Variants in NPHS1 observed in about 807,000 individuals in gnomAD.
NPHS1 encodes NPHS1 adhesion molecule, nephrin, also known as nephrin.
In NPHS1, 107 loss-of-function variants were observed where a neutral mutation model predicts 139.7. The observed-to-expected ratio is 0.77, with a 90% confidence interval of 0.66 to 0.90. The LOEUF (loss-of-function observed/expected upper bound fraction) is 0.90. NPHS1 is among the 40% of genes least tolerant of loss of function. NPHS1 has a pLI of 0.00. For synonymous variants in NPHS1, 707 were observed against 706.6 expected (o/e 1.00, Z -0.01); for missense variants, 1,580 against 1,654.2 (o/e 0.96, Z 0.78).
Position 35,835,721 on chromosome 19 carries a change from G to T in NPHS1, c.3150C>A (p.Pro1050=). ...QPSGEPEDQL[P]TEPPSGPSGL... ...AGGACTTGCCTGAAGGTGGCTCTGT[G>T]GGCAGCTGGTCTTCAGGTTCTCCAG... The change falls in exon 23 of 29, where the codon CCC becomes CCA. Residue 1050 remains proline, a synonymous_variant. Coordinates refer to ENST00000378910, the MANE Select transcript of NPHS1 (RefSeq NM_004646.4). 1 of 1,613,636 alleles carries T rather than the reference G, an allele frequency of 6.2e-7. No homozygotes were observed. Among genetic ancestry groups the T allele is most frequent in the Non-Finnish European group, 8.5e-7 (1 of 1,179,780 alleles).
intron 14 of NPHS1, 82 bp from the exon 15 acceptor site, chr19:35,844,541 A>G (rs552661699): frequency 1.4e-6 from 2 of 1,467,634 alleles, no homozygotes; most frequent in East Asian, 4.9e-5. Flanking sequence ...CACAGGTTCA[A>G]GGGTTAAAGT....
At chr19:35,830,801 A>G (rs931733683) in intron 28 of NPHS1, 43 bp downstream of exon 28, 1 of 1,224,982 alleles carries the variant, frequency 8.2e-7, no homozygotes, top group South Asian at 1.2e-5. Flanking sequence ...GTAGGCTCCC[A>G]GCACTAGCCA....
In NPHS1 at chr19:35,845,850, C is replaced by T; in HGVS notation, c.1628-52G>A. ...ACTCAGAGGTTAGGGGCGGCCTGGT[C>T]TGCGTCCACCCCGCCTGCACCCCAG... is the stretch of plus-strand genomic sequence containing the variant. On this transcript the variant is annotated intron_variant, in intron 12 of 28. Transcript: ENST00000378910. This position sits in a 1 kb window ranked among gnomAD's most constrained non-coding sequence, Gnocchi z 5.5. The T allele has an allele frequency of 7.5e-6, 12 of 1,589,916 alleles. No homozygotes were observed. Among genetic ancestry groups the T allele is most frequent in the Non-Finnish European group, 1.0e-5 (12 of 1,165,044 alleles).
At chr19:35,834,413 C>T (rs778787604) in intron 23 of NPHS1, among the ~76,000 whole-genome samples, 3 of 152,142 alleles carry the variant, frequency 2.0e-5, no homozygotes, top group Non-Finnish European at 2.9e-5. Flanking sequence ...AGCACTGTTC[C>T]GCCAGACTCA....
Position 35,849,655 on chromosome 19 carries a change from T to C in NPHS1, c.609-2A>G, listed in dbSNP as rs386833955. ...TTATCTGAGCTCCGGGGTGTCACCC[T>C]GGGATGAGAAGTCAGGGTTATAGAG... On this transcript the variant is annotated splice_acceptor_variant, in intron 5 of 28. Transcript: ENST00000378910. LOFTEE classifies it high-confidence loss of function. 1.9e-6 allele frequency: 3 copies of C among 1,608,106 alleles called. No individual in the cohort carries two copies. The highest frequency in any genetic ancestry group is 1.3e-5 in the African/African-American group (1 of 74,900).
chr19:35,827,470 A>C (rs1972813936), intron 28 of NPHS1, among the ~76,000 whole-genome samples: 1 of 152,108 alleles, frequency 6.6e-6, no homozygotes, highest in Non-Finnish European at 1.5e-5. Flanking sequence ...CAAAAAAAGA[A>C]AAAAAGAAAA....
chr19:35,831,249 G>A lies in NPHS1; in HGVS notation c.3387+47C>T, dbSNP rs749309655. The A allele has an allele frequency of 2.0e-5, 32 of 1,608,630 alleles. No individual in the cohort carries two copies. The South Asian group carries it at 2.1e-4, about 11-fold the overall frequency. On this transcript the variant is annotated intron_variant, in intron 26 of 28. Transcript: ENST00000378910. The stretch of plus-strand genomic sequence containing the variant: ...TGATGCTAACGGCAGGGCTTCAGTC[G>A]CCGTCGGTGCCCTGATTGTGGGGTC...
Position 35,835,613 on chromosome 19 carries a change from C to A in NPHS1, c.3166+92G>T, listed in dbSNP as rs537853848. The A allele has an allele frequency of 4.3e-6, 5 of 1,160,562 alleles. No homozygotes were observed. The East Asian group carries it at 1.2e-4, about 27-fold the overall frequency. 71.9% of individuals were successfully genotyped at this position (1,160,562 alleles called of 1,614,324 possible). ...GCTTGGCCAGAACTAAGTCGTTAAGCAGCTGTGACTACAAGCAGAGGAGGT... is the reference window on the plus strand; with the variant it reads ...GCTTGGCCAGAACTAAGTCGTTAAGAAGCTGTGACTACAAGCAGAGGAGGT... On this transcript the variant is annotated intron_variant, in intron 23 of 28. Transcript: ENST00000378910.
In NPHS1 at chr19:35,841,837, C is replaced by A. The variant is rs969895549; in HGVS notation, c.2693G>T (p.Gly898Val). ...AATGGTCAGGAGGCTGCTGTGGACA[C>A]CACCCTGGTGGTATGTGTGCTCCGT... ...RYTEHTYHQG[G>V]VHSSLLTIAN... The change falls in exon 20 of 29, where the codon GGT (glycine) becomes GTT (valine). Residue 898 changes from glycine (G) to valine (V), a missense_variant. By Grantham distance (109) the Gly-to-Val change is moderately radical (BLOSUM62 -3). Transcript: ENST00000378910. 6.2e-7 allele frequency: 1 copy of A among 1,613,568 alleles called. No individual in the cohort carries two copies. The highest frequency in any genetic ancestry group is 1.7e-5 in the Admixed American group (1 of 59,900).
Position 35,851,599 on chromosome 19 carries a change from C to T in NPHS1, c.132G>A (p.Val44=). 1.9e-6 allele frequency: 3 copies of T among 1,613,988 alleles called. No homozygotes were observed. Among genetic ancestry groups the T allele is most frequent in the Non-Finnish European group, 2.5e-6 (3 of 1,180,002 alleles). Residue 44 remains valine (V), a synonymous_variant, in exon 2 of 29, where the codon GTG becomes GTA. Coordinates refer to ENST00000378910, the MANE Select transcript of NPHS1 (RefSeq NM_004646.4). ...AACGCAGCTCCACTGAGGCCCCCTC[C>T]ACCACCGTCAGGTTTTCAGGCAGGG... ...FWALPENLTV[V]EGASVELRCG...
chr19:35,836,945 G>A (rs1319109153), intron 22 of NPHS1, among the ~76,000 whole-genome samples: 2 of 146,776 alleles, frequency 1.4e-5, no homozygotes, highest in Non-Finnish European at 3.0e-5. Context: ...GCAGTGAGCC[G>A]AGATCATGCC....
chr19:35,851,591 G>A lies in NPHS1; in HGVS notation c.140C>T (p.Ala47Val). Reference protein sequence around the residue: ...LPENLTVVEGASVELRCGVST... With the variant: ...LPENLTVVEGVSVELRCGVST... ...GACCCCACAACGCAGCTCCACTGAG[G>A]CCCCCTCCACCACCGTCAGGTTTTC... The change falls in exon 2 of 29, where the codon GCC (alanine) becomes GTC (valine). Residue 47 changes from alanine to valine, a missense_variant. By Grantham distance (64) the Ala-to-Val change is moderately conservative. Coordinates refer to ENST00000378910, the MANE Select transcript of NPHS1 (RefSeq NM_004646.4). 2.5e-6 allele frequency: 4 copies of A among 1,613,968 alleles called. No individual in the cohort carries two copies. Among genetic ancestry groups the A allele is most frequent in the South Asian group, 2.2e-5 (2 of 91,056 alleles).
chr19:35,849,534 C>G lies in NPHS1; in HGVS notation c.712+16G>C. 6.2e-7 allele frequency: 1 copy of G among 1,610,030 alleles called. No individual in the cohort carries two copies. Among genetic ancestry groups the G allele is most frequent in the Non-Finnish European group, 8.5e-7 (1 of 1,176,320 alleles). On this transcript the variant is annotated intron_variant, in intron 6 of 28. Transcript: ENST00000378910. ...CCCCATCCTCAGCGCCCTAGTTGGC[C>G]CAGTTCTCCACTTACACAGAACATT...
At position 35,851,399 on chromosome 19, in the gene NPHS1, G is replaced by A. The variant is rs1441685941; in HGVS notation, c.275-15C>T. The stretch of plus-strand genomic sequence containing the variant: ...GTGGAATTCACCTGCAGGGGGAGCC[G>A]GAAGTCAGGGCCGCAGCTTCCGCTG... On this transcript the variant is annotated splice_polypyrimidine_tract_variant and intron_variant, in intron 2 of 28. Coordinates refer to ENST00000378910, the MANE Select transcript of NPHS1 (RefSeq NM_004646.4). 5.6e-6 allele frequency: 9 copies of A among 1,612,406 alleles called. No individual in the cohort carries two copies. The highest frequency in any genetic ancestry group is 1.3e-5 in the African/African-American group (1 of 74,902).
Position 35,848,169 on chromosome 19 carries a change from G to T in NPHS1, c.1316-4C>A, listed in dbSNP as rs1286392412. 3.1e-6 allele frequency: 5 copies of T among 1,614,052 alleles called. No homozygotes were observed. The highest frequency in any genetic ancestry group is 4.2e-6 in the Non-Finnish European group (5 of 1,180,028). On this transcript the variant is annotated splice_region_variant and splice_polypyrimidine_tract_variant and intron_variant, in intron 10 of 28. Transcript: ENST00000378910. Reference sequence around the variant, plus strand: ...ATCCACAGTTTCTGGGCGGGATCTGGCGGGGAGAGGAAGGAAGAATGACTT... The same window carrying T: ...ATCCACAGTTTCTGGGCGGGATCTGTCGGGGAGAGGAAGGAAGAATGACTT...
At chr19:35,837,949 A>C (rs1044766741) in intron 22 of NPHS1, among the ~76,000 whole-genome samples, 38 of 151,274 alleles carry the variant, frequency 2.5e-4, no homozygotes, top group Non-Finnish European at 4.1e-4. Context: ...AAAAAAAAAA[A>C]AAAAAAAAAA....
rs1384985862 is a variant in NPHS1 at position 35,841,863 on chromosome 19, G to A, written c.2667C>T (p.Tyr889=). The A allele has an allele frequency of 6.2e-7, 1 of 1,609,610 alleles. No homozygotes were observed. The highest frequency in any genetic ancestry group is 8.5e-7 in the Non-Finnish European group (1 of 1,177,812). ...CACCCTGGTGGTATGTGTGCTCCGT[G>A]TACCTAGAGAGAAGGTAGGGCACCA... ...GVPLDLQDPR[Y]TEHTYHQGGV... Residue 889 remains tyrosine (Y), a synonymous_variant, in exon 20 of 29, where the codon TAC becomes TAT. Coordinates refer to ENST00000378910, the MANE Select transcript of NPHS1 (RefSeq NM_004646.4).
intron 20 of NPHS1, among the ~76,000 whole-genome samples, chr19:35,841,202 G>A (rs866544365): frequency 6.6e-6 from 1 of 151,796 alleles, no homozygotes; most frequent in Non-Finnish European, 1.5e-5. Flanking sequence ...GTGAAACCCC[G>A]TCTCTACTAG....
intron 23 of NPHS1, among the ~76,000 whole-genome samples, chr19:35,835,496 T>C (rs1362940704): frequency 6.6e-6 from 1 of 151,886 alleles, no homozygotes; most frequent in African/African-American, 2.4e-5. Flanking sequence ...GGAGTCTTGC[T>C]ATGTTGCCCA....
Sources: gnomAD v4.1 joint callset for allele counts (sites outside exome capture counted in the v4.1 genomes callset) on GRCh38, gnomAD v4.1.1 for gene constraint, Gnocchi (gnomAD v3.1) non-coding constraint, MANE v1.5 for transcripts, NCBI Gene and HGNC (gene_info 2026-07-23, HGNC 2026-07-21) for gene names.